The following TSPAN9 variants were observed in gnomAD, a reference collection of about 807,000 sequenced individuals.
The protein encoded by TSPAN9 is tetraspanin-9.
TSPAN9 carries 16 observed loss-of-function variants against 31.0 expected under a neutral mutation model. That is an observed-to-expected ratio of 0.52 (90% CI 0.35 to 0.78). The LOEUF (loss-of-function observed/expected upper bound fraction) is 0.78, where lower values mean the gene tolerates loss of function less well. Ranked by LOEUF, TSPAN9 falls within the 30% of genes least tolerant of loss-of-function variation. TSPAN9 has a pLI of 0.01. For missense variants in TSPAN9, 272 were observed against 312.5 expected (o/e 0.87, Z 0.98); for synonymous variants, 145 against 121.6 (o/e 1.19, Z -1.27).
intron 3 of TSPAN9, among the ~76,000 whole-genome samples, chr12:3,238,004 G>A (rs1031982632): frequency 1.3e-5 from 2 of 152,086 alleles, no homozygotes; most frequent in Non-Finnish European, 2.9e-5. Flanking sequence ...TCAAAATCCA[G>A]CCTCATTGTG....
chr12:3,085,398 G>A (rs6489432), intron 2 of TSPAN9, among the ~76,000 whole-genome samples: 63,966 of 150,724 alleles, frequency 0.42, 16,316 homozygotes, highest in African/African-American at 0.72. Flanking sequence ...GTCACCAGCC[G>A]TGTCTATCTA....
chr12:3,221,085 C>A (rs112576670), intron 3 of TSPAN9, among the ~76,000 whole-genome samples: 1 of 152,104 alleles, frequency 6.6e-6, no homozygotes, highest in East Asian at 1.9e-4. Flanking sequence ...CCACAGGGAC[C>A]GGGAGACTGG....
intron 2 of TSPAN9, among the ~76,000 whole-genome samples, chr12:3,104,711 T>G (rs529457675): frequency 1.4e-4 from 21 of 152,290 alleles, no homozygotes; most frequent in Admixed American, 1.2e-3. Flanking sequence ...GCAGACTCTT[T>G]GTGGCACCTC....
intron 2 of TSPAN9, among the ~76,000 whole-genome samples, chr12:3,122,320 CAA>C (rs57877186): frequency 3.5e-5 from 5 of 141,818 alleles, no homozygotes; most frequent in Non-Finnish European, 3.1e-5. Flanking sequence ...GACTCTATCT[CAA>C]AAAAAAAAAG....
At position 3,081,323 on chromosome 12, in the gene TSPAN9, C is replaced by T. The variant is rs150102656; in HGVS notation, c.-84-2330C>T. ...GGAGTGGATCTAATCCCGGTGCATTCGCCTGGCATTCAGCATCCTGCCTGT... is the reference window on the plus strand; with the variant it reads ...GGAGTGGATCTAATCCCGGTGCATTTGCCTGGCATTCAGCATCCTGCCTGT... On this transcript the variant is annotated intron_variant, in intron 1 of 8. Coordinates refer to ENST00000011898, the MANE Select transcript of TSPAN9 (RefSeq NM_006675.5). 6.6e-4 allele frequency among the ~76,000 whole-genome samples: 101 copies of T among 152,278 alleles called. 1 individual carries two copies. In the East Asian group the frequency reaches 0.018, roughly 27 times the overall value.
intron 2 of TSPAN9, among the ~76,000 whole-genome samples, chr12:3,162,300 C>A (rs147374685): frequency 2.3e-3 from 347 of 152,340 alleles, no homozygotes; most frequent in Non-Finnish European, 4.0e-3. Flanking sequence ...AACCTTTTCC[C>A]TGATCAATCA....
At chr12:3,086,447 CTTTGAATA>C (rs1371794176) in intron 2 of TSPAN9, among the ~76,000 whole-genome samples, 2 of 151,992 alleles carry the variant, frequency 1.3e-5, no homozygotes, top group Non-Finnish European at 2.9e-5. Flanking sequence ...ATTGATGATA[CTTTGAATA>C]TTCACTCACT....
At chr12:3,185,167 G>C (rs1463786483) in intron 2 of TSPAN9, among the ~76,000 whole-genome samples, 1 of 152,176 alleles carries the variant, frequency 6.6e-6, no homozygotes, top group East Asian at 1.9e-4. Flanking sequence ...ATTGAGTGTG[G>C]CTGTGTGCCT....
At chr12:3,242,793 G>T (rs905459798) in intron 3 of TSPAN9, among the ~76,000 whole-genome samples, 1 of 152,232 alleles carries the variant, frequency 6.6e-6, no homozygotes, top group African/African-American at 2.4e-5. Flanking sequence ...GCCACCTGCT[G>T]ATCTCCCAAG....
At chr12:3,226,081 G>A (rs1161011313) in intron 3 of TSPAN9, among the ~76,000 whole-genome samples, 1 of 152,104 alleles carries the variant, frequency 6.6e-6, no homozygotes, top group Non-Finnish European at 1.5e-5. Context: ...TCTGTAGGGA[G>A]AGGTGACATT....
At chr12:3,118,380 G>A (rs944005292) in intron 2 of TSPAN9, among the ~76,000 whole-genome samples, 32 of 147,618 alleles carry the variant, frequency 2.2e-4, no homozygotes, top group African/African-American at 7.8e-4. Flanking sequence ...TCCTGCCTCC[G>A]CCTCCCGAGT....
At chr12:3,270,101 C>T (rs773474887) in intron 3 of TSPAN9, among the ~76,000 whole-genome samples, 24 of 152,182 alleles carry the variant, frequency 1.6e-4, no homozygotes, top group East Asian at 3.9e-4. Context: ...CTGACAGCTT[C>T]GGCCCTACAC....
At chr12:3,199,354 A>G (rs1006828546) in intron 2 of TSPAN9, among the ~76,000 whole-genome samples, 1 of 152,110 alleles carries the variant, frequency 6.6e-6, no homozygotes, top group African/African-American at 2.4e-5. Context: ...CAGAAAAGAG[A>G]GGTGGGCTCC....
At chr12:3,277,552 CTGAT>C (rs1451774811) in intron 3 of TSPAN9, among the ~76,000 whole-genome samples, 3 of 152,260 alleles carry the variant, frequency 2.0e-5, no homozygotes, top group Non-Finnish European at 4.4e-5. Context: ...TACTGTTTCA[CTGAT>C]TGATTGGCTC....
intron 2 of TSPAN9, among the ~76,000 whole-genome samples, chr12:3,164,556 G>A (rs1235708009): frequency 6.6e-6 from 1 of 152,184 alleles, no homozygotes; most frequent in Non-Finnish European, 1.5e-5. Flanking sequence ...CTTGTCCCAG[G>A]CCTGCGAGGG....
intron 2 of TSPAN9, among the ~76,000 whole-genome samples, chr12:3,132,386 G>A (rs999349792): frequency 4.0e-5 from 6 of 151,896 alleles, no homozygotes; most frequent in Admixed American, 6.6e-5. Context: ...CATCCCTGCC[G>A]GCAACGCATG....
At chr12:3,084,809 A>G (rs1024137257) in intron 2 of TSPAN9, among the ~76,000 whole-genome samples, 7 of 152,238 alleles carry the variant, frequency 4.6e-5, no homozygotes, top group Non-Finnish European at 7.3e-5. Context: ...CAGGGGCTCC[A>G]GCCCAGATGC....
chr12:3,154,802 C>G (rs1412439418), intron 2 of TSPAN9, among the ~76,000 whole-genome samples: 2 of 152,240 alleles, frequency 1.3e-5, no homozygotes, highest in Admixed American at 6.5e-5. Context: ...GCTGAGCTGC[C>G]TCTCACATGG....
chr12:3,114,901 C>G (rs1173346020), intron 2 of TSPAN9, among the ~76,000 whole-genome samples: 2 of 149,766 alleles, frequency 1.3e-5, no homozygotes, highest in African/African-American at 4.9e-5. Flanking sequence ...AGAAGGCCAA[C>G]AGGTTTGTTT....
Sources: allele counts gnomAD v4.1 joint callset (sites outside exome capture counted in the v4.1 genomes callset), GRCh38; gene constraint gnomAD v4.1.1; transcripts MANE v1.5; gene names NCBI Gene and HGNC (gene_info 2026-07-23, HGNC 2026-07-21).